Variants in UVRAG observed in about 807,000 individuals in gnomAD.
UVRAG encodes UV radiation resistance associated.
Under a neutral mutation model 78.0 loss-of-function variants are expected in UVRAG, and 19 were observed. The ratio of observed to expected loss-of-function variants is 0.24; its 90% CI spans 0.17 to 0.36. The LOEUF (loss-of-function observed/expected upper bound fraction) is 0.36. Ranked by LOEUF, UVRAG falls within the 10% of genes least tolerant of loss-of-function variation. The pLI, the probability that UVRAG is intolerant of heterozygous loss-of-function variation, is 1.00. For synonymous variants in UVRAG, 323 were observed against 324.6 expected, an observed-to-expected ratio of 1.00 and a Z score of 0.05; for missense variants, 740 against 853.8, an observed-to-expected ratio of 0.87 and a Z score of 1.66.
At chr11:75,816,029 C>T (rs529636053) in intron 1 of UVRAG, among the ~76,000 whole-genome samples, 3 of 152,364 alleles carry the variant, frequency 2.0e-5, no homozygotes, top group East Asian at 3.9e-4. Context: ...TTGCTTTAAT[C>T]TCCCCTGATT....
At chr11:75,936,917 C>T (rs1258731477) in intron 6 of UVRAG, among the ~76,000 whole-genome samples, 1 of 152,056 alleles carries the variant, frequency 6.6e-6, no homozygotes, top group African/African-American at 2.4e-5. Context: ...GGCCACCATA[C>T]CTGGCTGATT....
At chr11:76,071,978 A>G (rs534927046) in intron 13 of UVRAG, among the ~76,000 whole-genome samples, 1 of 152,324 alleles carries the variant, frequency 6.6e-6, no homozygotes, top group South Asian at 2.1e-4. Flanking sequence ...AACAGGATAT[A>G]TAAGTCTGGA....
intron 12 of UVRAG, among the ~76,000 whole-genome samples, chr11:76,031,223 C>T (rs981537049): frequency 4.6e-5 from 7 of 152,168 alleles, no homozygotes; most frequent in African/African-American, 1.4e-4. Context: ...AAGGCACAGG[C>T]ATCAGCACTG....
chr11:75,987,031 G>A (rs1015192537), intron 8 of UVRAG, among the ~76,000 whole-genome samples: 4 of 152,064 alleles, frequency 2.6e-5, no homozygotes, highest in Admixed American at 6.6e-5. Context: ...GGTTGTTTCC[G>A]CTTTCTGTCT....
intron 4 of UVRAG, among the ~76,000 whole-genome samples, chr11:75,887,611 C>T (rs1022023130): frequency 1.3e-4 from 20 of 152,030 alleles, no homozygotes; most frequent in Non-Finnish European, 2.6e-4. Flanking sequence ...CCACGCCCAG[C>T]TAATTTTTTG....
At chr11:75,900,159 A>G (rs569572197) in intron 5 of UVRAG, among the ~76,000 whole-genome samples, 1 of 152,298 alleles carries the variant, frequency 6.6e-6, no homozygotes, top group Non-Finnish European at 1.5e-5. Flanking sequence ...CTTTATATAG[A>G]TGTTTTAGAT....
chr11:75,940,269 A>G (rs1269560051), intron 6 of UVRAG, among the ~76,000 whole-genome samples: 1 of 152,184 alleles, frequency 6.6e-6, no homozygotes, highest in East Asian at 1.9e-4. Flanking sequence ...AAACGAGAGC[A>G]TTGAATTAAA....
chr11:76,111,631 A>G (rs926630871), intron 13 of UVRAG, among the ~76,000 whole-genome samples: 1 of 152,216 alleles, frequency 6.6e-6, no homozygotes, highest in African/African-American at 2.4e-5. Context: ...TTATTCCCCA[A>G]ATAAGATCCA....
intron 5 of UVRAG, among the ~76,000 whole-genome samples, chr11:75,889,507 A>G (rs1947170318): frequency 6.6e-6 from 1 of 152,214 alleles, no homozygotes; most frequent in Non-Finnish European, 1.5e-5. Context: ...TCACCCATCT[A>G]GAAAGTAGCT....
Position 76,142,261 on chromosome 11 carries a change from T to G in UVRAG, c.*848T>G, listed in dbSNP as rs775942573. 2.6e-5 allele frequency: 4 copies of G among 152,240 alleles called. No homozygotes were observed. Among genetic ancestry groups the G allele is most frequent in the Non-Finnish European group, 5.9e-5 (4 of 68,042 alleles). 9.4% of individuals were successfully genotyped at this position (152,240 alleles called of 1,614,324 possible). ...GTGGGCAGATGCTGTGGTCAGGAAC[T>G]AGGCATGCTTTCTGGCAATGCACTC... is the stretch of plus-strand genomic sequence containing the variant. On this transcript the variant is annotated 3_prime_UTR_variant, in exon 15 of 15. Coordinates refer to ENST00000356136, the MANE Select transcript of UVRAG (RefSeq NM_003369.4).
intron 6 of UVRAG, among the ~76,000 whole-genome samples, chr11:75,923,276 GT>G (rs1427304607): frequency 2.6e-5 from 4 of 151,922 alleles, no homozygotes; most frequent in African/African-American, 9.7e-5. Context: ...ATTTCCCAGT[GT>G]TGTATTACTG....
chr11:76,097,832 CAT>C (rs1951812576), intron 13 of UVRAG, among the ~76,000 whole-genome samples: 1 of 152,092 alleles, frequency 6.6e-6, no homozygotes, highest in Non-Finnish European at 1.5e-5. Context: ...TTCTGTTAAA[CAT>C]ATATATGGAT....
At chr11:75,990,833 C>G (rs575796583) in intron 8 of UVRAG, among the ~76,000 whole-genome samples, 18 of 152,292 alleles carry the variant, frequency 1.2e-4, no homozygotes, top group African/African-American at 3.6e-4. Flanking sequence ...AGGCACTGTT[C>G]AAGGACTACA....
intron 5 of UVRAG, among the ~76,000 whole-genome samples, chr11:75,902,796 A>G (rs1346577043): frequency 6.6e-6 from 1 of 152,084 alleles, no homozygotes; most frequent in Non-Finnish European, 1.5e-5. Context: ...CCAAGCTCAG[A>G]TCAACATTCC....
At chr11:76,136,600 C>T (rs764457894) in intron 14 of UVRAG, among the ~76,000 whole-genome samples, 4 of 150,798 alleles carry the variant, frequency 2.7e-5, no homozygotes, top group South Asian at 4.2e-4. Flanking sequence ...CCCAGGCTCA[C>T]GCAATCCTCC....
chr11:76,083,783 A>G (rs906817966), intron 13 of UVRAG, among the ~76,000 whole-genome samples: 2 of 152,200 alleles, frequency 1.3e-5, no homozygotes, highest in Non-Finnish European at 2.9e-5. Context: ...AGCCTTCATA[A>G]TGACAAGGTC....
chr11:76,073,624 T>C (rs1015265592), intron 13 of UVRAG, among the ~76,000 whole-genome samples: 1 of 152,176 alleles, frequency 6.6e-6, no homozygotes, highest in African/African-American at 2.4e-5. Context: ...GCCAATGTTT[T>C]CCAAATGACC....
chr11:75,975,013 T>G (rs1949207135), intron 7 of UVRAG, among the ~76,000 whole-genome samples: 1 of 152,220 alleles, frequency 6.6e-6, no homozygotes, highest in Non-Finnish European at 1.5e-5. Flanking sequence ...TGGTTTTAGG[T>G]CTGATGTTTA....
chr11:75,922,364 C>A (rs774499147), intron 6 of UVRAG, among the ~76,000 whole-genome samples: 1 of 151,896 alleles, frequency 6.6e-6, no homozygotes, highest in African/African-American at 2.4e-5. Flanking sequence ...TAAGGAAAAG[C>A]TATACTTCTA....
Sources: allele counts gnomAD v4.1 joint callset (sites outside exome capture counted in the v4.1 genomes callset), GRCh38; gene constraint gnomAD v4.1.1; transcripts MANE v1.5; gene names NCBI Gene and HGNC (gene_info 2026-07-23, HGNC 2026-07-21).